The following ANKRD42 variants were observed in gnomAD, a reference collection of about 807,000 sequenced individuals.
ANKRD42 encodes the protein ankyrin repeat domain-containing protein 42.
Under a neutral mutation model 51.5 loss-of-function variants are expected in ANKRD42, and 43 were observed. The ratio of observed to expected loss-of-function variants is 0.83; its 90% confidence interval spans 0.65 to 1.08. The LOEUF is 1.08. ANKRD42 is among the 50% of genes least tolerant of loss of function. ANKRD42 has a pLI of 0.00. For synonymous variants in ANKRD42, 203 were observed against 213.0 expected, an observed-to-expected ratio of 0.95 and a Z score of 0.41; for missense variants, 608 against 629.3, an observed-to-expected ratio of 0.97 and a Z score of 0.36.
downstream of ANKRD42, chr11:83,260,756 T>C (rs1242992942): frequency 6.6e-6 from 1 of 152,238 alleles, no homozygotes; most frequent in African/African-American, 2.4e-5. Flanking sequence ...GAAAAGGATA[T>C]TTTAAAATTT....
downstream of ANKRD42, among the ~76,000 whole-genome samples, chr11:83,251,163 A>G (rs1477523905): frequency 6.6e-6 from 1 of 151,964 alleles, no homozygotes; most frequent in Non-Finnish European, 1.5e-5. Context: ...CCTTTGTTCA[A>G]TTTGTCCATA....
Position 83,224,410 on chromosome 11 carries a change from C to T in ANKRD42, c.587-445C>T, listed in dbSNP as rs77935532. ...TCTGGGCCTGCTCTTCGGTGACCCT[C>T]ATCTGGTCTTTATAGACTCATGGTA... On this transcript the variant is annotated intron_variant, in intron 5 of 10. Transcript: ENST00000533342. 9.4e-3 allele frequency among the ~76,000 whole-genome samples: 1,428 copies of T among 152,278 alleles called. 23 individuals are homozygous for T. Among genetic ancestry groups the T allele is most frequent in the African/African-American group, 0.032 (1,318 of 41,548 alleles).
In ANKRD42 at chr11:83,193,965, C is replaced by T. The variant is rs1190967950; in HGVS notation, c.-706C>T. 1 of 456,380 alleles carries T rather than the reference C, an allele frequency of 2.2e-6. No individual in the cohort carries two copies. The highest frequency in any genetic ancestry group is 4.4e-6 in the Non-Finnish European group (1 of 226,736). The allele number at this position is 456,380 out of a possible 1,614,324, so 28.3% of individuals were successfully genotyped here. A position where few individuals can be genotyped will look rare whatever the true frequency, so the allele number is the denominator to read the frequency against. On this transcript the variant is annotated 5_prime_UTR_variant, in exon 1 of 11. Coordinates refer to ENST00000533342, the MANE Select transcript of ANKRD42 (RefSeq NM_001300975.2). ...GGGAAAGAAAATGTGAAGAGAGCGACCGCCGCTCCAGGGTCGCTGCAGGAA... is the reference window on the plus strand; with the variant it reads ...GGGAAAGAAAATGTGAAGAGAGCGATCGCCGCTCCAGGGTCGCTGCAGGAA...
chr11:83,235,731 C>T (rs1403001080), intron 7 of ANKRD42, among the ~76,000 whole-genome samples: 5 of 152,184 alleles, frequency 3.3e-5, no homozygotes, highest in African/African-American at 4.8e-5. Flanking sequence ...AGAATAGTTA[C>T]AGGTTAAATG....
chr11:83,223,807 C>G (rs907827056), intron 5 of ANKRD42, among the ~76,000 whole-genome samples: 16 of 152,158 alleles, frequency 1.1e-4, no homozygotes, highest in Non-Finnish European at 1.5e-4. Flanking sequence ...ATACTGGCCA[C>G]TTGGACATTA....
Position 83,245,526 on chromosome 11 carries a change from G to T in ANKRD42, c.1224G>T (p.Leu408Phe). The change falls in exon 10 of 11, where the codon TTG (leucine) becomes TTT (phenylalanine). Residue 408 changes from leucine to phenylalanine, a missense_variant. Transcript: ENST00000533342. The part of the protein sequence containing the change: ...RMRAYKKIVE[L>F]RHLLEIAESN... ...GAGCTTACAAGAAAATTGTAGAATT[G>T]AGACACCTCCTGGAAATTGCCGAGA... The T allele has an allele frequency of 6.5e-7, 1 of 1,536,450 alleles. No homozygotes were observed. The highest frequency in any genetic ancestry group is 8.7e-7 in the Non-Finnish European group (1 of 1,146,980).
In ANKRD42 at chr11:83,194,017, CG is replaced by C; in HGVS notation, c.-653del. On this transcript the variant is annotated 5_prime_UTR_variant, in exon 1 of 11. Transcript: ENST00000533342. ...CCTAAGTGCAGACGCCGGCTTCTCCCGCAGTGACTTGAGAAGGGTCAGTGAA... is the reference window on the plus strand; with the variant it reads ...CCTAAGTGCAGACGCCGGCTTCTCCCCAGTGACTTGAGAAGGGTCAGTGAA... The C allele has an allele frequency of 2.2e-6, 1 of 456,398 alleles. No individual in the cohort carries two copies. The highest frequency in any genetic ancestry group is 3.2e-4 in the Middle Eastern group (1 of 3,092). The allele number at this position is 456,398 out of a possible 1,614,324, so 28.3% of individuals were successfully genotyped here.
intron 8 of ANKRD42, among the ~76,000 whole-genome samples, chr11:83,238,260 AACATTACTAT>A (rs1863280530): frequency 6.6e-6 from 1 of 152,222 alleles, no homozygotes; most frequent in South Asian, 2.1e-4. Flanking sequence ...AGCTGCTGTA[AACATTACTAT>A]ACAGGTTTTT....
chr11:83,219,835 C>A (rs989713510), intron 5 of ANKRD42, among the ~76,000 whole-genome samples: 1 of 152,156 alleles, frequency 6.6e-6, no homozygotes, highest in Non-Finnish European at 1.5e-5. Flanking sequence ...GGGGACCATA[C>A]GCTATGGTAG....
chr11:83,199,908 C>A (rs570885598), intron 2 of ANKRD42, among the ~76,000 whole-genome samples: 8 of 152,140 alleles, frequency 5.3e-5, no homozygotes, highest in African/African-American at 1.7e-4. Flanking sequence ...TTACTTGTGC[C>A]TTTCTTTGGA....
intron 1 of ANKRD42, 103 bp from the exon 2 acceptor site, chr11:83,198,376 G>C (rs1478965600): frequency 2.6e-6 from 3 of 1,170,828 alleles, no homozygotes; most frequent in East Asian, 5.2e-5. Context: ...AAATTATTTG[G>C]AAAGCCAAAG....
At chr11:83,214,352 C>G (rs1300561392) in intron 5 of ANKRD42, 5 of 866,924 alleles carry the variant, frequency 5.8e-6, no homozygotes, top group Non-Finnish European at 5.5e-6. Context: ...CTAGAACTGA[C>G]TTTTCCGTGT....
At chr11:83,257,560 A>C (rs1863796699), downstream of ANKRD42, among the ~76,000 whole-genome samples, 1 of 152,192 alleles carries the variant, frequency 6.6e-6, no homozygotes, top group African/African-American at 2.4e-5. Flanking sequence ...TTTTATAGAG[A>C]AAGTAGTTGT....
At chr11:83,230,592 CTTTT>C (rs572529276) in intron 7 of ANKRD42, among the ~76,000 whole-genome samples, 5 of 146,178 alleles carry the variant, frequency 3.4e-5, no homozygotes, top group Non-Finnish European at 7.6e-5. Context: ...AGATCTTATT[CTTTT>C]TTTTTTTTGA....
downstream of ANKRD42, among the ~76,000 whole-genome samples, chr11:83,256,770 A>T (rs567266420): frequency 6.6e-6 from 1 of 152,312 alleles, no homozygotes; most frequent in East Asian, 1.9e-4. Flanking sequence ...CATCAGAACT[A>T]GTTTGCTGTG....
intron 5 of ANKRD42, among the ~76,000 whole-genome samples, chr11:83,220,640 G>A (rs1368114883): frequency 1.3e-5 from 2 of 152,178 alleles, no homozygotes; most frequent in East Asian, 1.9e-4. Context: ...AGTTGAAGAA[G>A]CTTTGCTGGA....
At position 83,211,295 on chromosome 11, in the gene ANKRD42, G is replaced by A. The variant is rs753467104; in HGVS notation, c.451G>A (p.Asp151Asn). 6.2e-6 allele frequency: 10 copies of A among 1,613,988 alleles called. No homozygotes were observed. Among genetic ancestry groups the A allele is most frequent in the African/African-American group, 5.3e-5 (4 of 74,912 alleles). The change falls in exon 5 of 11, where the codon GAT (aspartate) becomes AAT (asparagine). Residue 151 changes from aspartate (D) to asparagine (N), a missense_variant and splice_region_variant. Asp to Asn is a conservative substitution (Grantham distance 23, BLOSUM62 1). Coordinates refer to ENST00000533342, the MANE Select transcript of ANKRD42 (RefSeq NM_001300975.2). Reference protein sequence around the residue: ...TLQIMLRSGVDPSVTDKREWR... With the variant: ...TLQIMLRSGVNPSVTDKREWR... ...AAGTCCTTGTGAATGTTACCTCTAG[G>A]ATCCCAGTGTGACTGATAAGAGAGA...
chr11:83,212,572 T>C, intron 5 of ANKRD42: 1 of 1,146,002 alleles, frequency 8.7e-7, no homozygotes. Context: ...GATACTTAAA[T>C]GATACCTTAA....
chr11:83,220,994 T>C (rs1862702857), intron 5 of ANKRD42, among the ~76,000 whole-genome samples: 1 of 152,208 alleles, frequency 6.6e-6, no homozygotes, highest in South Asian at 2.1e-4. Context: ...TTGTTCTTGC[T>C]CACTTTCTCT....
Sources: allele counts gnomAD v4.1 joint callset (sites outside exome capture counted in the v4.1 genomes callset), GRCh38; gene constraint gnomAD v4.1.1; transcripts MANE v1.5; gene names NCBI Gene and HGNC (gene_info 2026-07-23, HGNC 2026-07-21).